Variants in SMOC2 observed in about 807,000 individuals in gnomAD.
SMOC2 encodes the protein SPARC related modular calcium binding 2, also known as SPARC-related modular calcium-binding protein 2.
SMOC2 carries 39 observed loss-of-function variants against 61.4 expected under a neutral mutation model. That is an observed-to-expected ratio of 0.64 (90% CI 0.49 to 0.83). SMOC2 has a LOEUF of 0.83. SMOC2 is among the 40% of genes least tolerant of loss of function. The pLI, the probability that SMOC2 is intolerant of heterozygous loss-of-function variation, is 0.00. For missense variants in SMOC2, 556 were observed against 592.9 expected (o/e 0.94, Z 0.65); for synonymous variants, 247 against 239.9 (o/e 1.03, Z -0.27).
intron 2 of SMOC2, among the ~76,000 whole-genome samples, chr6:168,520,620 C>T (rs1783307782): frequency 6.6e-6 from 1 of 152,238 alleles, no homozygotes; most frequent in Admixed American, 6.5e-5. Context: ...CCTTCCATAT[C>T]GATAAATGAG....
In SMOC2 at chr6:168,630,901, C is replaced by T. The variant is rs533283648; in HGVS notation, c.908-19780C>T. 3.0e-4 allele frequency among the ~76,000 whole-genome samples: 46 copies of T among 152,262 alleles called. No individual in the cohort carries two copies. The South Asian group carries it at 7.5e-3, about 25-fold the overall frequency. ...TCCCACCTAATAAATTTTGATCAGA[C>T]GGTCTGCTCTCAAAACCCTGTCTCC... On this transcript the variant is annotated intron_variant, in intron 9 of 12. Transcript: ENST00000356284.
chr6:168,667,799 C>T lies in SMOC2; in HGVS notation c.*1361C>T, dbSNP rs1787699978. On this transcript the variant is annotated 3_prime_UTR_variant, in exon 13 of 13. Transcript: ENST00000356284. The stretch of plus-strand genomic sequence containing the variant: ...ATGTTGTGATGCTTGTGGAGCATCG[C>T]GTAAGGCTTCTTGCTTATTTAAACT... The T allele has an allele frequency of 6.6e-6, 1 of 152,102 alleles. No homozygotes were observed. The highest frequency in any genetic ancestry group is 2.4e-5 in the African/African-American group (1 of 41,408). The allele number at this position is 152,102 out of a possible 1,614,324, so 9.4% of individuals were successfully genotyped here. A position where few individuals can be genotyped will look rare whatever the true frequency, so the allele number is the denominator to read the frequency against.
chr6:168,660,336 TC>T (rs2115289488), intron 11 of SMOC2, among the ~76,000 whole-genome samples: 1 of 152,296 alleles, frequency 6.6e-6, no homozygotes, highest in Admixed American at 6.5e-5. Flanking sequence ...GGTTGTCAGT[TC>T]CTTCTAGGAC....
At chr6:168,587,814 C>T (rs1379330603) in intron 7 of SMOC2, among the ~76,000 whole-genome samples, 4 of 152,202 alleles carry the variant, frequency 2.6e-5, no homozygotes, top group Non-Finnish European at 5.9e-5. Context: ...TTGCCGAACA[C>T]AGTTCCTGGC....
chr6:168,584,352 A>G (rs1308820965), intron 7 of SMOC2, among the ~76,000 whole-genome samples: 2 of 151,782 alleles, frequency 1.3e-5, no homozygotes, highest in South Asian at 2.1e-4. Flanking sequence ...TCTAATGAAA[A>G]CCTCCTCTTG....
intron 1 of SMOC2, among the ~76,000 whole-genome samples, chr6:168,504,696 T>A (rs1196522945): frequency 2.0e-5 from 3 of 152,168 alleles, no homozygotes; most frequent in Non-Finnish European, 2.9e-5. Flanking sequence ...GGCACCTGTG[T>A]TCTTCCTTAT....
chr6:168,607,155 A>T (rs1806709), intron 8 of SMOC2, among the ~76,000 whole-genome samples: 29,793 of 151,776 alleles, frequency 0.2, 3,392 homozygotes, highest in East Asian at 0.25. Context: ...ACAGTGAAGG[A>T]TTTCTGTGTG....
chr6:168,625,455 G>T (rs1333003999), intron 9 of SMOC2, among the ~76,000 whole-genome samples: 2 of 152,238 alleles, frequency 1.3e-5, no homozygotes, highest in African/African-American at 2.4e-5. Flanking sequence ...TGGCCTGAAG[G>T]TCAGCTCAAA....
chr6:168,443,764 G>A (rs1014119882), intron 1 of SMOC2, among the ~76,000 whole-genome samples: 6 of 152,246 alleles, frequency 3.9e-5, no homozygotes, highest in African/African-American at 1.2e-4. Context: ...CTCTCCCTAC[G>A]ATTTGCATCC....
intron 9 of SMOC2, among the ~76,000 whole-genome samples, chr6:168,649,266 G>T (rs1046524578): frequency 6.6e-6 from 1 of 152,214 alleles, no homozygotes; most frequent in Non-Finnish European, 1.5e-5. Flanking sequence ...AGTAAAAAAT[G>T]GAATCTAAAT....
rs561282571 is a variant in SMOC2, at chr6:168,543,697, A to G, written c.511+25A>G. The stretch of plus-strand genomic sequence containing the variant: ...GGTAACTATCTTAGAATAAATGTCT[A>G]TGACGATATGTAACATCTAACTTAT... On this transcript the variant is annotated intron_variant, in intron 5 of 12. Transcript: ENST00000356284. 6 of 1,600,890 alleles carry G rather than the reference A, an allele frequency of 3.7e-6. No individual in the cohort carries two copies. The South Asian group carries it at 5.5e-5, about 15-fold the overall frequency.
intron 7 of SMOC2, among the ~76,000 whole-genome samples, chr6:168,554,660 G>T (rs1784205808): frequency 6.6e-6 from 1 of 152,216 alleles, no homozygotes; most frequent in Admixed American, 6.5e-5. Context: ...CTCGGAGCTG[G>T]CAGCCAGACT....
chr6:168,464,171 A>G (rs1273123554), intron 1 of SMOC2, among the ~76,000 whole-genome samples: 4 of 140,484 alleles, frequency 2.8e-5, no homozygotes, highest in Non-Finnish European at 6.2e-5. Flanking sequence ...ATCCTGGGCA[A>G]CAGAGCAAGA....
chr6:168,664,643 AG>A (rs956722205), intron 12 of SMOC2: 13 of 455,032 alleles, frequency 2.9e-5, no homozygotes, highest in African/African-American at 2.6e-4. Context: ...CAGCAAGACA[AG>A]TGTTGGGCTC....
chr6:168,599,680 ACT>A lies in SMOC2; in HGVS notation c.824+680_824+681del, dbSNP rs552745888. ...CCCACACTCACACACTCCCCTACACACTCTCACACTCTCACACACACACCCAC... is the reference window on the plus strand; with the variant it reads ...CCCACACTCACACACTCCCCTACACACTCACACTCTCACACACACACCCAC... On this transcript the variant is annotated intron_variant, in intron 8 of 12. Coordinates refer to ENST00000356284, the MANE Select transcript of SMOC2 (RefSeq NM_001166412.2). Among the ~76,000 whole-genome samples the A allele has an allele frequency of 4.3e-3, 506 of 117,676 alleles. 4 individuals carry two copies. Among genetic ancestry groups the A allele is most frequent in the African/African-American group, 0.016 (472 of 30,244 alleles). The allele number at this position is 117,676 out of a possible 152,430, so 77.2% of individuals were successfully genotyped here. A position where few individuals can be genotyped will look rare whatever the true frequency, so the allele number is the denominator to read the frequency against.
intron 1 of SMOC2, 151 bp from the exon 2 acceptor site, chr6:168,509,764 G>A (rs1054103120): frequency 4.5e-5 from 27 of 603,616 alleles, no homozygotes; most frequent in South Asian, 6.7e-5. Context: ...AGAGGTGCAC[G>A]TGGCGCTTCT....
chr6:168,449,754 C>T (rs1020331904), intron 1 of SMOC2, among the ~76,000 whole-genome samples: 2 of 152,208 alleles, frequency 1.3e-5, no homozygotes, highest in African/African-American at 4.8e-5. Flanking sequence ...TCTGGACCCT[C>T]TAGAAGGTTT....
intron 2 of SMOC2, among the ~76,000 whole-genome samples, chr6:168,516,892 T>G (rs1383273962): frequency 6.6e-6 from 1 of 152,108 alleles, no homozygotes; most frequent in African/African-American, 2.4e-5. Flanking sequence ...AGGTGGAGGT[T>G]GCAGTGAGCC....
intron 1 of SMOC2, among the ~76,000 whole-genome samples, chr6:168,489,026 G>C (rs1782403433): frequency 7.0e-6 from 1 of 141,874 alleles, no homozygotes; most frequent in African/African-American, 2.7e-5. Context: ...TGAATCATCT[G>C]GGTCCCCTTG....
Sources: allele counts gnomAD v4.1 joint callset (sites outside exome capture counted in the v4.1 genomes callset), GRCh38; gene constraint gnomAD v4.1.1; transcripts MANE v1.5; gene names NCBI Gene and HGNC (gene_info 2026-07-23, HGNC 2026-07-21).